CNNM2: variants seen among roughly 807,000 people sequenced by gnomAD.
CNNM2 encodes the protein cyclin and CBS domain divalent metal cation transport mediator 2, also known as metal transporter CNNM2.
Under a neutral mutation model 66.9 loss-of-function variants are expected in CNNM2, and 12 were observed. The observed-to-expected ratio is 0.18, with a 90% confidence interval of 0.11 to 0.29. The LOEUF (loss-of-function observed/expected upper bound fraction) is 0.29, where lower values mean the gene tolerates loss of function less well. Among genes scored for constraint, CNNM2 ranks in the 10% least tolerant of loss-of-function variants. The pLI is 1.00. For missense variants in CNNM2, 705 were observed against 1,167.7 expected (o/e 0.60, Z 5.77); for synonymous variants, 557 against 501.8 (o/e 1.11, Z -1.47).
At chr10:103,068,957 T>C (rs2065527181) in intron 5 of CNNM2, among the ~76,000 whole-genome samples, 1 of 152,236 alleles carries the variant, frequency 6.6e-6, no homozygotes, top group Non-Finnish European at 1.5e-5. Context: ...GACAGGACGT[T>C]ACCAGCCCCA....
At chr10:102,996,349 TA>T (rs1392600876) in intron 1 of CNNM2, among the ~76,000 whole-genome samples, 2 of 152,184 alleles carry the variant, frequency 1.3e-5, no homozygotes, top group Non-Finnish European at 2.9e-5. Flanking sequence ...TTCCACTTTT[TA>T]TTATCAAGGC....
chr10:102,929,304 G>A (rs1845985787), intron 1 of CNNM2, among the ~76,000 whole-genome samples: 1 of 152,176 alleles, frequency 6.6e-6, no homozygotes, highest in East Asian at 1.9e-4. Flanking sequence ...AGTGGCTCAT[G>A]TCTGTAATCC....
At chr10:103,051,583 T>C (rs1273232104) in intron 2 of CNNM2, among the ~76,000 whole-genome samples, 2 of 151,066 alleles carry the variant, frequency 1.3e-5, no homozygotes, top group Non-Finnish European at 3.0e-5. Context: ...TCTACAAAAA[T>C]ATAAAAATCA....
chr10:102,943,729 G>A (rs1846509870), intron 1 of CNNM2, among the ~76,000 whole-genome samples: 1 of 152,068 alleles, frequency 6.6e-6, no homozygotes, highest in South Asian at 2.1e-4. Flanking sequence ...TCTCATAACT[G>A]CATGTCATAT....
chr10:102,934,961 C>A (rs935689764), intron 1 of CNNM2, among the ~76,000 whole-genome samples: 1 of 151,538 alleles, frequency 6.6e-6, no homozygotes, highest in African/African-American at 2.4e-5. Flanking sequence ...GAGTTCGAGA[C>A]CAGCCTGACC....
At chr10:102,963,301 C>T (rs898901656) in intron 1 of CNNM2, among the ~76,000 whole-genome samples, 1 of 152,218 alleles carries the variant, frequency 6.6e-6, no homozygotes, top group African/African-American at 2.4e-5. Context: ...CCACCACCCC[C>T]TTTCCTTGGC....
chr10:102,944,235 C>T (rs1293165077), intron 1 of CNNM2, among the ~76,000 whole-genome samples: 7 of 151,938 alleles, frequency 4.6e-5, no homozygotes, highest in Admixed American at 2.6e-4. Flanking sequence ...CCCACCACCA[C>T]GCCCAGCTAG....
intron 1 of CNNM2, among the ~76,000 whole-genome samples, chr10:102,924,302 G>A (rs1009674778): frequency 2.0e-5 from 3 of 152,194 alleles, no homozygotes; most frequent in Non-Finnish European, 2.9e-5. Context: ...TGCATTTGAA[G>A]AATTTGTAAC....
rs1332706737 is a variant in CNNM2, at chr10:103,080,655, A to T, written c.*3475A>T. The stretch of plus-strand genomic sequence containing the variant: ...CTTCAAGGAACAGTGCAAATGTTGA[A>T]TGCAGAGCTTCACACTAATACGGAA... On this transcript the variant is annotated 3_prime_UTR_variant, in exon 8 of 8. Coordinates refer to ENST00000369878, the MANE Select transcript of CNNM2 (RefSeq NM_017649.5). 1 of 152,204 alleles carries T rather than the reference A, an allele frequency of 6.6e-6. No individual in the cohort carries two copies. The allele number at this position is 152,204 out of a possible 1,614,324, so 9.4% of individuals were successfully genotyped here.
At chr10:102,970,275 C>T (rs1366505748) in intron 1 of CNNM2, among the ~76,000 whole-genome samples, 1 of 152,146 alleles carries the variant, frequency 6.6e-6, no homozygotes, top group Non-Finnish European at 1.5e-5. Flanking sequence ...TGATTGTGCC[C>T]CTGCACTCCA....
chr10:103,000,734 C>T (rs866615154), intron 1 of CNNM2, among the ~76,000 whole-genome samples: 4 of 152,152 alleles, frequency 2.6e-5, no homozygotes, highest in South Asian at 2.1e-4. Context: ...TATGTACTAC[C>T]ATGCCCAGCT....
Position 103,086,251 on chromosome 10 carries a change from C to G in CNNM2, c.*9071C>G, listed in dbSNP as rs1045505901. 6.6e-6 allele frequency: 1 copy of G among 152,146 alleles called. No homozygotes were observed. The highest frequency in any genetic ancestry group is 6.5e-5 in the Admixed American group (1 of 15,280). The allele number at this position is 152,146 out of a possible 1,614,324, so 9.4% of individuals were successfully genotyped here. Reference sequence around the variant, plus strand: ...TTTGAGGAAAAACTTTTAAGAAAAGCTGGATTCCCTGATCACCACTAAAGA... The same window carrying G: ...TTTGAGGAAAAACTTTTAAGAAAAGGTGGATTCCCTGATCACCACTAAAGA... On this transcript the variant is annotated 3_prime_UTR_variant, in exon 8 of 8. Coordinates refer to ENST00000369878, the MANE Select transcript of CNNM2 (RefSeq NM_017649.5).
At chr10:102,988,847 G>T (rs1190778123) in intron 1 of CNNM2, among the ~76,000 whole-genome samples, 3 of 152,166 alleles carry the variant, frequency 2.0e-5, no homozygotes, top group Non-Finnish European at 4.4e-5. Flanking sequence ...CGGAAGTGAG[G>T]CTTAATGGCT....
chr10:102,956,523 A>T (rs945830712), intron 1 of CNNM2, among the ~76,000 whole-genome samples: 1 of 152,210 alleles, frequency 6.6e-6, no homozygotes, highest in African/African-American at 2.4e-5. Context: ...GTGCACACGT[A>T]TGTTTATTGT....
chr10:102,992,037 A>G (rs1367970605), intron 1 of CNNM2, among the ~76,000 whole-genome samples: 1 of 152,176 alleles, frequency 6.6e-6, no homozygotes, highest in East Asian at 1.9e-4. Flanking sequence ...TACTATACAT[A>G]CAAATTGATA....
intron 1 of CNNM2, among the ~76,000 whole-genome samples, chr10:102,929,941 ATTGC>A (rs1846010711): frequency 6.6e-6 from 1 of 152,222 alleles, no homozygotes; most frequent in Non-Finnish European, 1.5e-5. Context: ...GCAAGTTTGT[ATTGC>A]TTATAGCAGT....
At chr10:103,029,413 G>A (rs2064778447) in intron 1 of CNNM2, among the ~76,000 whole-genome samples, 2 of 151,882 alleles carry the variant, frequency 1.3e-5, no homozygotes, top group Admixed American at 6.6e-5. Flanking sequence ...GCAGTGAGCT[G>A]AGATGGTGCC....
At chr10:103,061,287 G>A (rs1037370992) in intron 4 of CNNM2, among the ~76,000 whole-genome samples, 2 of 152,162 alleles carry the variant, frequency 1.3e-5, no homozygotes, top group African/African-American at 4.8e-5. Context: ...CAGCTACTCA[G>A]GAAGCTGAGG....
At chr10:102,978,169 A>T (rs1466245440) in intron 1 of CNNM2, among the ~76,000 whole-genome samples, 2 of 151,334 alleles carry the variant, frequency 1.3e-5, no homozygotes, top group Non-Finnish European at 2.9e-5. Context: ...TCGGCCTCCC[A>T]AAGTGCTGGG....
Sources: gnomAD v4.1 joint callset for allele counts (sites outside exome capture counted in the v4.1 genomes callset) on GRCh38, gnomAD v4.1.1 for gene constraint, MANE v1.5 for transcripts, NCBI Gene and HGNC (gene_info 2026-07-23, HGNC 2026-07-21) for gene names.